Variants in PUM3 observed in about 807,000 individuals in gnomAD.
The protein encoded by PUM3 is pumilio RNA binding family member 3.
In PUM3, 91 loss-of-function variants were observed where a neutral mutation model predicts 84.0. That is an observed-to-expected ratio of 1.08 (90% confidence interval 0.91 to 1.29). The LOEUF (loss-of-function observed/expected upper bound fraction) is 1.29. Among genes scored for constraint, PUM3 ranks in the 50% most tolerant of loss-of-function variants. PUM3 has a pLI of 0.00. For synonymous variants in PUM3, 321 were observed against 266.7 expected, an observed-to-expected ratio of 1.20 and a Z score of -1.98; for missense variants, 1,067 against 767.5, an observed-to-expected ratio of 1.39 and a Z score of -4.61.
Position 2,833,440 on chromosome 9 carries a change from TGAG to T in PUM3, c.441-11_441-9del, listed in dbSNP as rs772267954. On this transcript the variant is annotated splice_polypyrimidine_tract_variant and intron_variant, in intron 4 of 17. Coordinates refer to ENST00000397885, the MANE Select transcript of PUM3 (RefSeq NM_014878.5). ...TCTTTGTCACAGTCTTTTCTACAAA[TGAG>T]GAGAGGAAGGAAACACAGTTGAAAT... 1.0e-4 allele frequency: 149 copies of T among 1,492,672 alleles called. 2 individuals carry two copies. The East Asian group carries it at 3.2e-3, about 32-fold the overall frequency. The allele number at this position is 1,492,672 out of a possible 1,614,324, so 92.5% of individuals were successfully genotyped here.
intron 5 of PUM3, among the ~76,000 whole-genome samples, chr9:2,832,159 G>A (rs1165325902): frequency 6.6e-6 from 1 of 152,118 alleles, no homozygotes; most frequent in Non-Finnish European, 1.5e-5. Flanking sequence ...TTCAAGATTT[G>A]TAAGACATCT....
At chr9:2,839,307 C>G (rs1369612417) in intron 1 of PUM3, among the ~76,000 whole-genome samples, 1 of 152,154 alleles carries the variant, frequency 6.6e-6, no homozygotes, top group Non-Finnish European at 1.5e-5. Flanking sequence ...CATTTGAAAG[C>G]TGGCTGTAAA....
intron 14 of PUM3, 60 bp from the exon 15 acceptor site, chr9:2,811,643 T>A: frequency 7.9e-7 from 1 of 1,269,726 alleles, no homozygotes; most frequent in African/African-American, 1.5e-5. Flanking sequence ...AATGTGGTGA[T>A]ATTATCACAA....
rs146943302 is a variant in PUM3 at position 2,827,513 on chromosome 9, A to G, written c.957-362T>C. On this transcript the variant is annotated intron_variant, in intron 9 of 17. Transcript: ENST00000397885. ...CCACATGTGGATGTATTTTTTTAAT[A>G]GTTGTTTTATTTCTGTTAACACCCT... Among the ~76,000 whole-genome samples the G allele has an allele frequency of 4.3e-3, 650 of 152,336 alleles. 4 individuals are homozygous for G. Among genetic ancestry groups the G allele is most frequent in the African/African-American group, 0.014 (586 of 41,578 alleles).
chr9:2,819,840 G>C (rs565079395), intron 13 of PUM3, among the ~76,000 whole-genome samples, 178 bp downstream of exon 13: 1 of 152,200 alleles, frequency 6.6e-6, no homozygotes, highest in East Asian at 1.9e-4. Context: ...ACAAGGTTAA[G>C]ATTTACACAG....
At chr9:2,821,349 C>A (rs1430057720) in intron 12 of PUM3, among the ~76,000 whole-genome samples, 1 of 148,536 alleles carries the variant, frequency 6.7e-6, no homozygotes, top group Non-Finnish European at 1.5e-5. Flanking sequence ...GAGGCTGAGG[C>A]AGGAGAATGG....
intron 7 of PUM3, among the ~76,000 whole-genome samples, chr9:2,830,758 G>A (rs899560067): frequency 2.6e-5 from 4 of 152,070 alleles, no homozygotes; most frequent in Non-Finnish European, 5.9e-5. Context: ...ATCTTTTTAG[G>A]AATGAAGGCA....
chr9:2,825,364 T>A (rs923160721), intron 10 of PUM3, among the ~76,000 whole-genome samples: 2 of 152,240 alleles, frequency 1.3e-5, no homozygotes, highest in Non-Finnish European at 1.5e-5. Flanking sequence ...TACTAACATT[T>A]AGACTAAGAC....
chr9:2,822,748 T>C (rs1815688318), intron 12 of PUM3, among the ~76,000 whole-genome samples: 1 of 147,948 alleles, frequency 6.8e-6, no homozygotes, highest in Non-Finnish European at 1.5e-5. Flanking sequence ...TAATGTTATA[T>C]AATATATAAC....
At chr9:2,815,517 C>T (rs1398770213) in intron 13 of PUM3, among the ~76,000 whole-genome samples, 1 of 152,186 alleles carries the variant, frequency 6.6e-6, no homozygotes, top group East Asian at 1.9e-4. Context: ...AGCTGTGTAG[C>T]CTTTGGCAAA....
chr9:2,812,785 A>C (rs1035182989), intron 13 of PUM3, among the ~76,000 whole-genome samples: 1 of 152,230 alleles, frequency 6.6e-6, no homozygotes, highest in African/African-American at 2.4e-5. Flanking sequence ...AAGGACTTAA[A>C]AAATATTTAA....
At chr9:2,842,204 G>A (rs12345362) in intron 1 of PUM3, among the ~76,000 whole-genome samples, 14 of 152,038 alleles carry the variant, frequency 9.2e-5, no homozygotes, top group African/African-American at 2.9e-4. Flanking sequence ...CTTGGAATTC[G>A]CCCCCCTTTT....
At chr9:2,838,136 A>C (rs1816177667) in intron 2 of PUM3, among the ~76,000 whole-genome samples, 1 of 152,206 alleles carries the variant, frequency 6.6e-6, no homozygotes, top group African/African-American at 2.4e-5. Flanking sequence ...GTCCTAATTT[A>C]TCAAATGTTA....
intron 17 of PUM3, among the ~76,000 whole-genome samples, chr9:2,804,946 G>A (rs552883841): frequency 2.0e-5 from 3 of 152,186 alleles, no homozygotes; most frequent in Non-Finnish European, 2.9e-5. Context: ...AGAGTTAGCA[G>A]GTCTTCTCAC....
At chr9:2,812,440 T>A (rs1004090879) in intron 13 of PUM3, 78 bp from the exon 14 acceptor site, 1 of 1,008,226 alleles carries the variant, frequency 9.9e-7, no homozygotes, top group Non-Finnish European at 1.5e-6. Context: ...TTCTTCCATA[T>A]TTGCCATTTA....
intron 4 of PUM3, among the ~76,000 whole-genome samples, chr9:2,833,813 C>G (rs928956373): frequency 3.9e-5 from 6 of 152,206 alleles, no homozygotes; most frequent in African/African-American, 9.7e-5. Context: ...CAACCTCATA[C>G]ATTTTCATAA....
Position 2,804,198 on chromosome 9 carries a change from G to T in PUM3, c.*133C>A. The T allele has an allele frequency of 1.3e-6, 1 of 780,836 alleles. No homozygotes were observed. Among genetic ancestry groups the T allele is most frequent in the Non-Finnish European group, 1.9e-6 (1 of 519,444 alleles). The allele number at this position is 780,836 out of a possible 1,614,324, so 48.4% of individuals were successfully genotyped here. A position where few individuals can be genotyped will look rare whatever the true frequency, so the allele number is the denominator to read the frequency against. The stretch of plus-strand genomic sequence containing the variant: ...AAAAACAATTTATATAAATAGATTC[G>T]TATACAAAGAAGAAACACATATACA... On this transcript the variant is annotated 3_prime_UTR_variant, in exon 18 of 18. Coordinates refer to ENST00000397885, the MANE Select transcript of PUM3 (RefSeq NM_014878.5).
At chr9:2,819,140 A>G (rs1821532623) in intron 13 of PUM3, among the ~76,000 whole-genome samples, 2 of 152,330 alleles carry the variant, frequency 1.3e-5, no homozygotes, top group East Asian at 3.9e-4. Context: ...GGTCACTACT[A>G]TCAAACTAGT....
At chr9:2,843,739 C>A (rs1292682151) in intron 1 of PUM3, among the ~76,000 whole-genome samples, 1 of 151,966 alleles carries the variant, frequency 6.6e-6, no homozygotes, top group East Asian at 1.9e-4. Context: ...CCACCATGCC[C>A]GGCTAATTTT....
Sources: allele counts gnomAD v4.1 joint callset (sites outside exome capture counted in the v4.1 genomes callset), GRCh38; gene constraint gnomAD v4.1.1; transcripts MANE v1.5; gene names NCBI Gene and HGNC (gene_info 2026-07-23, HGNC 2026-07-21).